Variants in RAD17 observed in about 807,000 individuals in gnomAD.
RAD17 encodes cell cycle checkpoint protein RAD17.
Under a neutral mutation model 81.5 loss-of-function variants are expected in RAD17, and 31 were observed. The observed-to-expected ratio is 0.38, with a 90% CI of 0.29 to 0.51. The LOEUF (loss-of-function observed/expected upper bound fraction) is 0.51. RAD17 is among the 20% of genes least tolerant of loss of function. The pLI, the probability that RAD17 is intolerant of heterozygous loss-of-function variation, is 0.88. For missense variants in RAD17, 681 were observed against 781.2 expected (o/e 0.87, Z 1.53); for synonymous variants, 261 against 266.2 (o/e 0.98, Z 0.19).
intron 17 of RAD17, among the ~76,000 whole-genome samples, chr5:69,409,595 T>C (rs867821988): frequency 7.2e-5 from 11 of 152,242 alleles, no homozygotes; most frequent in Middle Eastern, 3.2e-3. Flanking sequence ...ATTTTGCTTA[T>C]CTTTGGGAGT....
intron 12 of RAD17, among the ~76,000 whole-genome samples, chr5:69,391,482 A>G (rs1409991801): frequency 6.6e-6 from 1 of 152,202 alleles, no homozygotes; most frequent in East Asian, 1.9e-4. Context: ...AAGTGCTCCA[A>G]TGAGCATTTC....
At position 69,369,941 on chromosome 5, in the gene RAD17, C is replaced by T. The variant is rs1240683221; in HGVS notation, c.-417+8C>T. The T allele has an allele frequency of 5.3e-6, 3 of 562,508 alleles. No individual in the cohort carries two copies. The highest frequency in any genetic ancestry group is 9.4e-6 in the Non-Finnish European group (3 of 318,602). The allele number at this position is 562,508 out of a possible 1,614,324, so 34.8% of individuals were successfully genotyped here. On this transcript the variant is annotated splice_region_variant and intron_variant, in intron 1 of 18. Coordinates refer to ENST00000354868, the MANE Select transcript of RAD17 (RefSeq NM_133338.3). ...GGATGCAGCTCCGGGAAAGTAAGGC[C>T]GCCGCGGTTGCGGCTATATTATGTA...
intron 17 of RAD17, among the ~76,000 whole-genome samples, chr5:69,409,616 G>C (rs973484597): frequency 6.6e-6 from 1 of 152,148 alleles, no homozygotes; most frequent in African/African-American, 2.4e-5. Context: ...GGGTACACAA[G>C]AGCTTATGCT....
At chr5:69,408,056 T>A (rs919223695) in intron 17 of RAD17, among the ~76,000 whole-genome samples, 1 of 152,222 alleles carries the variant, frequency 6.6e-6, no homozygotes, top group African/African-American at 2.4e-5. Flanking sequence ...CCTTTTCTAC[T>A]TTGAAAATAT....
At chr5:69,381,830 G>A in intron 6 of RAD17, 71 bp from the exon 7 acceptor site, 1 of 1,129,096 alleles carries the variant, frequency 8.9e-7, no homozygotes, top group South Asian at 1.7e-5. Flanking sequence ...TATTTAGAAT[G>A]AAAAGTCAGA....
chr5:69,380,567 T>C (rs1219363641), intron 6 of RAD17, among the ~76,000 whole-genome samples: 1 of 152,178 alleles, frequency 6.6e-6, no homozygotes, highest in East Asian at 1.9e-4. Flanking sequence ...CAGGCTCTCT[T>C]TGTCCAAGTA....
intron 17 of RAD17, among the ~76,000 whole-genome samples, chr5:69,405,526 G>A (rs1313767802): frequency 2.0e-5 from 3 of 152,062 alleles, no homozygotes; most frequent in Non-Finnish European, 4.4e-5. Context: ...AATTAGCTGG[G>A]CGTGGTGGCA....
intron 6 of RAD17, among the ~76,000 whole-genome samples, chr5:69,378,004 C>T (rs1325093799): frequency 6.6e-6 from 1 of 151,752 alleles, no homozygotes; most frequent in East Asian, 1.9e-4. Context: ...ATGGTGTTGC[C>T]CACGCTGGTC....
intron 17 of RAD17, among the ~76,000 whole-genome samples, chr5:69,408,253 T>C (rs1765752866): frequency 6.6e-6 from 1 of 152,106 alleles, no homozygotes; most frequent in Admixed American, 6.6e-5. Flanking sequence ...GAATATTGAT[T>C]CTCCTCCTCT....
chr5:69,397,986 G>A (rs17236513), intron 16 of RAD17, among the ~76,000 whole-genome samples: 57 of 152,116 alleles, frequency 3.7e-4, no homozygotes, highest in Non-Finnish European at 7.9e-4. Context: ...GTGTGGCGGC[G>A]TGCGCCTGTA....
At chr5:69,413,407 C>A (rs917124859) in intron 18 of RAD17, among the ~76,000 whole-genome samples, 1 of 151,790 alleles carries the variant, frequency 6.6e-6, no homozygotes, top group African/African-American at 2.4e-5. Context: ...CCACTGCACT[C>A]CTGCCTGGGC....
intron 6 of RAD17, among the ~76,000 whole-genome samples, chr5:69,375,913 C>T (rs904286542): frequency 2.6e-5 from 4 of 151,906 alleles, no homozygotes; most frequent in Middle Eastern, 3.2e-3. Context: ...GAGACCAGGC[C>T]GGTTGACTTG....
Position 69,385,894 on chromosome 5 carries a change from G to A in RAD17, c.646-149G>A, listed in dbSNP as rs1035850880. 17 of 807,662 alleles carry A rather than the reference G, an allele frequency of 2.1e-5. No homozygotes were observed. The South Asian group carries it at 2.5e-4, about 12-fold the overall frequency. 50.0% of individuals were successfully genotyped at this position (807,662 alleles called of 1,614,324 possible). The stretch of plus-strand genomic sequence containing the variant: ...CCCCATTGATGTATATTACTGTTTC[G>A]GATATCATCTATTTCATGTTTCCTG... On this transcript the variant is annotated intron_variant, in intron 8 of 18. Coordinates refer to ENST00000354868, the MANE Select transcript of RAD17 (RefSeq NM_133338.3).
At chr5:69,405,265 AG>A (rs1265428347) in intron 17 of RAD17, among the ~76,000 whole-genome samples, 3 of 151,970 alleles carry the variant, frequency 2.0e-5, no homozygotes, top group Non-Finnish European at 4.4e-5. Flanking sequence ...GCACTCTGGG[AG>A]GCTGAGGCGG....
chr5:69,401,866 T>C (rs1765290842), intron 17 of RAD17, among the ~76,000 whole-genome samples: 1 of 150,418 alleles, frequency 6.6e-6, no homozygotes, highest in Admixed American at 6.6e-5. Flanking sequence ...AAACCAGGCC[T>C]GGTGGTGGGT....
At chr5:69,389,263 A>ATT (rs1167822307) in intron 12 of RAD17, 118 bp downstream of exon 12, 1 of 504,214 alleles carries the variant, frequency 2.0e-6, no homozygotes, top group African/African-American at 2.0e-5. Flanking sequence ...ATCCTTCTTT[A>ATT]TTACTGAGAC....
In RAD17 at chr5:69,369,934, G is replaced by C; in HGVS notation, c.-417+1G>C. 1 of 563,902 alleles carries C rather than the reference G, an allele frequency of 1.8e-6. No homozygotes were observed. The highest frequency in any genetic ancestry group is 3.1e-6 in the Non-Finnish European group (1 of 319,502). 34.9% of individuals were successfully genotyped at this position (563,902 alleles called of 1,614,324 possible). ...TAAAAGGGGATGCAGCTCCGGGAAA[G>C]TAAGGCCGCCGCGGTTGCGGCTATA... On this transcript the variant is annotated splice_donor_variant, in intron 1 of 18. Transcript: ENST00000354868. LOFTEE classifies it low-confidence loss of function (5UTR_SPLICE).
intron 13 of RAD17, chr5:69,392,744 A>G (rs1028399500): frequency 2.3e-6 from 1 of 436,608 alleles, no homozygotes; most frequent in African/African-American, 2.0e-5. Flanking sequence ...TTCCTCCCCA[A>G]CATACGTTTA....
At chr5:69,394,671 T>C (rs1764772862) in intron 15 of RAD17, among the ~76,000 whole-genome samples, 1 of 152,168 alleles carries the variant, frequency 6.6e-6, no homozygotes, top group African/African-American at 2.4e-5. Context: ...TGATGGCTAC[T>C]TTATTGAACA....
Sources: allele counts gnomAD v4.1 joint callset (sites outside exome capture counted in the v4.1 genomes callset), GRCh38; gene constraint gnomAD v4.1.1; transcripts MANE v1.5; gene names NCBI Gene and HGNC (gene_info 2026-07-23, HGNC 2026-07-21).